Variants in LRIG1 observed in about 807,000 individuals in gnomAD.
The protein encoded by LRIG1 is leucine-rich repeats and immunoglobulin-like domains protein 1.
LRIG1 carries 48 observed loss-of-function variants against 99.2 expected under a neutral mutation model. That is an observed-to-expected ratio of 0.48 (90% CI 0.38 to 0.62). LRIG1 has a LOEUF of 0.62. LRIG1 is among the 20% of genes least tolerant of loss of function. LRIG1 has a pLI of 0.00. For synonymous variants in LRIG1, 772 were observed against 596.1 expected, an observed-to-expected ratio of 1.29 and a Z score of -4.30; for missense variants, 1,646 against 1,434.4, an observed-to-expected ratio of 1.15 and a Z score of -2.38.
chr3:66,428,852 G>A (rs1703064485), intron 3 of LRIG1, among the ~76,000 whole-genome samples: 1 of 152,224 alleles, frequency 6.6e-6, no homozygotes, highest in African/African-American at 2.4e-5. Flanking sequence ...AGAATAAGCA[G>A]GTCTCTCTCT....
chr3:66,479,051 C>T (rs532087296), intron 1 of LRIG1, among the ~76,000 whole-genome samples: 9 of 152,300 alleles, frequency 5.9e-5, no homozygotes, highest in Admixed American at 2.6e-4. Flanking sequence ...AAGTTCAATA[C>T]GTCCTCCCTT....
chr3:66,466,073 C>G (rs1243348378), intron 1 of LRIG1, among the ~76,000 whole-genome samples: 1 of 152,080 alleles, frequency 6.6e-6, no homozygotes, highest in Non-Finnish European at 1.5e-5. Context: ...ACTCTGTCAC[C>G]CAGGCTGGAA....
At chr3:66,479,943 T>C (rs1700809949) in intron 1 of LRIG1, among the ~76,000 whole-genome samples, 2 of 152,160 alleles carry the variant, frequency 1.3e-5, no homozygotes, top group African/African-American at 2.4e-5. Flanking sequence ...GTAATTCCAC[T>C]CCTCGGTATA....
intron 12 of LRIG1, among the ~76,000 whole-genome samples, chr3:66,393,676 C>T (rs1264711618): frequency 3.9e-5 from 6 of 152,140 alleles, no homozygotes; most frequent in Admixed American, 2.6e-4. Flanking sequence ...TTCTTGGGGT[C>T]GGAAAGAAAC....
rs1242784846 is a variant in LRIG1 at position 66,379,735 on chromosome 3, G to A, written c.*528C>T. On this transcript the variant is annotated 3_prime_UTR_variant, in exon 19 of 19. Transcript: ENST00000273261. ...CACACATGAGCAGTGCTCACCTGAA[G>A]CTCCTTCCGGCGCATGTGGAGTCCC... is the stretch of plus-strand genomic sequence containing the variant. 3 of 153,236 alleles carry A rather than the reference G, an allele frequency of 2.0e-5. No individual in the cohort carries two copies. Among genetic ancestry groups the A allele is most frequent in the Non-Finnish European group, 4.4e-5 (3 of 68,788 alleles). 9.5% of individuals were successfully genotyped at this position (153,236 alleles called of 1,614,324 possible). A position where few individuals can be genotyped will look rare whatever the true frequency, so the allele number is the denominator to read the frequency against.
chr3:66,408,400 G>A (rs1446208549), intron 7 of LRIG1, among the ~76,000 whole-genome samples: 1 of 152,162 alleles, frequency 6.6e-6, no homozygotes, highest in Admixed American at 6.5e-5. Flanking sequence ...CACATGCTGG[G>A]AAGCAATCCC....
chr3:66,462,365 G>C, intron 2 of LRIG1, 73 bp downstream of exon 2: 1 of 1,072,082 alleles, frequency 9.3e-7, no homozygotes, highest in Non-Finnish European at 1.4e-6. Context: ...AGTGAGCGAT[G>C]CTGCAATACA....
At chr3:66,427,475 A>G (rs754236437) in intron 3 of LRIG1, among the ~76,000 whole-genome samples, 3 of 152,210 alleles carry the variant, frequency 2.0e-5, no homozygotes, top group Non-Finnish European at 2.9e-5. Context: ...ACCATTTCAA[A>G]AACACACATG....
Position 66,383,964 on chromosome 3 carries a change from AC to A in LRIG1, c.2071+26del, listed in dbSNP as rs1701239009. 5.6e-6 allele frequency: 9 copies of A among 1,607,170 alleles called. No individual in the cohort carries two copies. The East Asian group carries it at 2.0e-4, about 36-fold the overall frequency. ...CTCTCTCGCTCACACACACACACAC[AC>A]ACACACAGTAGAGCAATAGGCAAAC... On this transcript the variant is annotated intron_variant, in intron 14 of 18. Coordinates refer to ENST00000273261, the MANE Select transcript of LRIG1 (RefSeq NM_015541.3).
chr3:66,404,956 C>T (rs569785675), intron 9 of LRIG1, among the ~76,000 whole-genome samples: 11 of 152,286 alleles, frequency 7.2e-5, no homozygotes, highest in South Asian at 2.1e-4. Context: ...CTCCACCAGC[C>T]GCCAAACGCC....
rs1700866789 is a variant in LRIG1, at chr3:66,379,038, AAC to A, written c.*1223_*1224del. 1 of 152,674 alleles carries A rather than the reference AAC, an allele frequency of 6.5e-6. No homozygotes were observed. Among genetic ancestry groups the A allele is most frequent in the Non-Finnish European group, 1.5e-5 (1 of 68,044 alleles). 9.5% of individuals were successfully genotyped at this position (152,674 alleles called of 1,614,324 possible). ...AAATTCTAAATGTGCTTACCTTTTG[AAC>A]AGTGATGACACCTGACAGTAATTGT... On this transcript the variant is annotated 3_prime_UTR_variant, in exon 19 of 19. Coordinates refer to ENST00000273261, the MANE Select transcript of LRIG1 (RefSeq NM_015541.3).
chr3:66,419,204 G>A (rs545176401), intron 3 of LRIG1, among the ~76,000 whole-genome samples: 76 of 152,300 alleles, frequency 5.0e-4, no homozygotes, highest in African/African-American at 1.5e-3. Flanking sequence ...TTGCGAAGCC[G>A]TGGGACAGCT....
chr3:66,401,278 C>T (rs1277063737), intron 9 of LRIG1, among the ~76,000 whole-genome samples: 4 of 152,202 alleles, frequency 2.6e-5, no homozygotes, highest in African/African-American at 9.7e-5. Context: ...CCACAAAACT[C>T]GCCAGCAAGT....
At chr3:66,458,401 G>A (rs1700277393) in intron 2 of LRIG1, among the ~76,000 whole-genome samples, 1 of 151,240 alleles carries the variant, frequency 6.6e-6, no homozygotes. Context: ...TTAAGGGGCT[G>A]GGTGGAAAAT....
intron 13 of LRIG1, among the ~76,000 whole-genome samples, chr3:66,385,529 T>C (rs924132859): frequency 2.0e-5 from 3 of 152,050 alleles, no homozygotes; most frequent in Non-Finnish European, 4.4e-5. Context: ...CTCGGCTCAC[T>C]GCAACGTCCA....
chr3:66,468,480 C>T (rs146636033), intron 1 of LRIG1, among the ~76,000 whole-genome samples: 30 of 152,304 alleles, frequency 2.0e-4, no homozygotes, highest in African/African-American at 7.2e-4. Context: ...TAGCCTATTT[C>T]CCATTACTCA....
rs1274672632 is a variant in LRIG1, at chr3:66,380,403, C to G, written c.3142G>C (p.Glu1048Gln). 1 of 1,614,150 alleles carries G rather than the reference C, an allele frequency of 6.2e-7. No individual in the cohort carries two copies. The change falls in exon 19 of 19, where the codon GAG becomes CAG. Residue 1048 changes from glutamate to glutamine, a missense_variant. Coordinates refer to ENST00000273261, the MANE Select transcript of LRIG1 (RefSeq NM_015541.3). ...AGCAAGTACTGGGCTTCCGCGCGCT[C>G]TGGACTGCCTGAAGTTAATGAAGAT... ...PASSLTSGSP[E>Q]RAEAQYLLVS...
At chr3:66,476,409 C>A (rs1700724159) in intron 1 of LRIG1, among the ~76,000 whole-genome samples, 1 of 152,176 alleles carries the variant, frequency 6.6e-6, no homozygotes, top group Non-Finnish European at 1.5e-5. Context: ...AATCACAATT[C>A]TCTTTCCCAG....
At chr3:66,489,588 T>C (rs1481226088) in intron 1 of LRIG1, among the ~76,000 whole-genome samples, 1 of 152,086 alleles carries the variant, frequency 6.6e-6, no homozygotes, top group Non-Finnish European at 1.5e-5. Context: ...AATGTTTAAG[T>C]ATCCTAGATA....
Sources: allele counts gnomAD v4.1 joint callset (sites outside exome capture counted in the v4.1 genomes callset), GRCh38; gene constraint gnomAD v4.1.1; transcripts MANE v1.5; gene names NCBI Gene and HGNC (gene_info 2026-07-23, HGNC 2026-07-21).